Variants in SLC35F2 observed in about 807,000 individuals in gnomAD.
SLC35F2 encodes solute carrier family 35 member F2.
Under a neutral mutation model 38.1 loss-of-function variants are expected in SLC35F2, and 25 were observed. That is an observed-to-expected ratio of 0.66 (90% CI 0.48 to 0.92). The LOEUF is 0.92. Ranked by LOEUF, SLC35F2 falls within the 40% of genes least tolerant of loss-of-function variation. The pLI is 0.00. For synonymous variants in SLC35F2, 173 were observed against 181.7 expected, an observed-to-expected ratio of 0.95 and a Z score of 0.38; for missense variants, 409 against 452.9, an observed-to-expected ratio of 0.90 and a Z score of 0.88.
intron 1 of SLC35F2, among the ~76,000 whole-genome samples, chr11:107,848,629 G>C (rs1162116513): frequency 6.6e-6 from 1 of 152,184 alleles, no homozygotes; most frequent in Non-Finnish European, 1.5e-5. Context: ...AGGCACCTTG[G>C]TCTCAGACCT....
At chr11:107,840,684 T>C (rs932426876) in intron 1 of SLC35F2, 24 of 152,292 alleles carry the variant, frequency 1.6e-4, no homozygotes, top group Admixed American at 1.5e-3. Context: ...CCTGCTGTGG[T>C]TTGGACTCCT....
intron 1 of SLC35F2, among the ~76,000 whole-genome samples, chr11:107,834,248 T>A (rs542593335): frequency 6.6e-6 from 1 of 152,178 alleles, no homozygotes; most frequent in East Asian, 1.9e-4. Context: ...CAAGGCTAGG[T>A]GATTAAAGAG....
intron 1 of SLC35F2, among the ~76,000 whole-genome samples, chr11:107,847,684 G>A (rs1310542392): frequency 6.6e-6 from 1 of 152,102 alleles, no homozygotes; most frequent in African/African-American, 2.4e-5. Flanking sequence ...GTACACAGAG[G>A]GGCACCCAAC....
intron 1 of SLC35F2, among the ~76,000 whole-genome samples, chr11:107,848,760 T>C (rs547003753): frequency 1.3e-5 from 2 of 152,294 alleles, no homozygotes; most frequent in South Asian, 4.1e-4. Context: ...CAGCACACCC[T>C]GGTGGGTGCC....
chr11:107,821,639 T>C, intron 1 of SLC35F2: 2 of 984,288 alleles, frequency 2.0e-6, no homozygotes, highest in Non-Finnish European at 2.4e-6. Context: ...CTCTATACCA[T>C]AACAAAACCT....
rs34097885 is a variant in SLC35F2, at chr11:107,801,631, GA to G, written c.939+1369del. 9.8e-4 allele frequency among the ~76,000 whole-genome samples: 141 copies of G among 144,546 alleles called. 1 individual carries two copies. The highest frequency in any genetic ancestry group is 2.2e-3 in the South Asian group (10 of 4,580). 94.8% of individuals were successfully genotyped at this position (144,546 alleles called of 152,430 possible). ...AGTGATCAGCAAGCCCTGGATCTAAGAAAAAAAAAAAAATAGATGAGAACTG... is the reference window on the plus strand; with the variant it reads ...AGTGATCAGCAAGCCCTGGATCTAAGAAAAAAAAAAAATAGATGAGAACTG... On this transcript the variant is annotated intron_variant, in intron 7 of 7. Coordinates refer to ENST00000525815, the MANE Select transcript of SLC35F2 (RefSeq NM_017515.5).
chr11:107,858,500 C>A, intron 1 of SLC35F2, 158 bp downstream of exon 1: 2 of 547,210 alleles, frequency 3.7e-6, no homozygotes, highest in South Asian at 2.0e-4. Flanking sequence ...GCGCACCATA[C>A]CTGGTGTGCG....
At chr11:107,845,365 C>T (rs1259614701) in intron 1 of SLC35F2, among the ~76,000 whole-genome samples, 1 of 150,982 alleles carries the variant, frequency 6.6e-6, no homozygotes, top group Non-Finnish European at 1.5e-5. Flanking sequence ...ATCATCTGAG[C>T]CCAGGAGTTC....
At chr11:107,852,091 G>GT (rs1219749211) in intron 1 of SLC35F2, among the ~76,000 whole-genome samples, 21 of 152,142 alleles carry the variant, frequency 1.4e-4, no homozygotes, top group Admixed American at 6.5e-5. Flanking sequence ...AAGCACAGGT[G>GT]TATCCCAGAC....
At chr11:107,825,353 A>ATTTCTTTCTTTTTTTTTT (rs1859737345) in intron 1 of SLC35F2, among the ~76,000 whole-genome samples, 1 of 133,116 alleles carries the variant, frequency 7.5e-6, no homozygotes, top group African/African-American at 2.9e-5. Flanking sequence ...GAGATTCCGC[A>ATTTCTTTCTTTTTTTTTT]TTTCTTTCTT....
chr11:107,795,965 C>A (rs1859210883), intron 7 of SLC35F2, among the ~76,000 whole-genome samples: 1 of 152,152 alleles, frequency 6.6e-6, no homozygotes, highest in African/African-American at 2.4e-5. Context: ...GAAACCTCAT[C>A]TCTACTAAAA....
At chr11:107,798,528 G>A (rs1209325433) in intron 7 of SLC35F2, among the ~76,000 whole-genome samples, 5 of 152,198 alleles carry the variant, frequency 3.3e-5, no homozygotes, top group Non-Finnish European at 4.4e-5. Context: ...TCCTGAATTA[G>A]AGGCGCTTAC....
chr11:107,809,259 G>A (rs1382956356), intron 3 of SLC35F2, among the ~76,000 whole-genome samples: 1 of 148,794 alleles, frequency 6.7e-6, no homozygotes, highest in Non-Finnish European at 1.5e-5. Context: ...CAAGGCCGGA[G>A]GATCACTTGA....
At chr11:107,810,309 A>C in intron 3 of SLC35F2, 1 of 985,416 alleles carries the variant, frequency 1.0e-6, no homozygotes, top group Non-Finnish European at 1.2e-6. Context: ...AATTGAAAGA[A>C]GGCATGAACT....
chr11:107,791,629 T>A lies in SLC35F2; in HGVS notation c.*986A>T, dbSNP rs1178903503. 1 of 152,224 alleles carries A rather than the reference T, an allele frequency of 6.6e-6. No individual in the cohort carries two copies. The highest frequency in any genetic ancestry group is 1.5e-5 in the Non-Finnish European group (1 of 68,096). The allele number at this position is 152,224 out of a possible 1,614,324, so 9.4% of individuals were successfully genotyped here. A position where few individuals can be genotyped will look rare whatever the true frequency, so the allele number is the denominator to read the frequency against. On this transcript the variant is annotated 3_prime_UTR_variant, in exon 8 of 8. Coordinates refer to ENST00000525815, the MANE Select transcript of SLC35F2 (RefSeq NM_017515.5). ...TGGTTCACATCTGTAATCCTAGCAC[T>A]TTCGGAGGCCGAGGTGGGCAGATCG...
chr11:107,845,372 G>A (rs779101671), intron 1 of SLC35F2, among the ~76,000 whole-genome samples: 1 of 151,876 alleles, frequency 6.6e-6, no homozygotes, highest in Non-Finnish European at 1.5e-5. Context: ...GAGCCCAGGA[G>A]TTCAAGACCA....
intron 1 of SLC35F2, among the ~76,000 whole-genome samples, chr11:107,851,541 T>A (rs1244517343): frequency 2.8e-5 from 4 of 141,162 alleles, no homozygotes; most frequent in Non-Finnish European, 6.2e-5. Context: ...AAAAACAACA[T>A]GACTGGGTCA....
intron 1 of SLC35F2, among the ~76,000 whole-genome samples, chr11:107,848,937 T>G (rs1463093830): frequency 1.3e-5 from 2 of 152,090 alleles, no homozygotes. Flanking sequence ...TGCAGTGAGA[T>G]TTCTTTCTTT....
chr11:107,857,133 AAGGAAGGGAG>A (rs1297101789), intron 1 of SLC35F2, among the ~76,000 whole-genome samples: 198 of 127,966 alleles, frequency 1.5e-3, no homozygotes, highest in African/African-American at 6.0e-3. Context: ...GGAAGGGAGG[AAGGAAGGGAG>A]GGAGGGAGAC....
Sources: allele counts gnomAD v4.1 joint callset (sites outside exome capture counted in the v4.1 genomes callset), GRCh38; gene constraint gnomAD v4.1.1; transcripts MANE v1.5; gene names NCBI Gene and HGNC (gene_info 2026-07-23, HGNC 2026-07-21).